TAFA5: variants seen among roughly 807,000 people sequenced by gnomAD.
TAFA5 encodes the protein TAFA chemokine like family member 5.
TAFA5 carries 6 observed loss-of-function variants against 15.3 expected under a neutral mutation model. That is an observed-to-expected ratio of 0.39 (90% CI 0.21 to 0.77). The LOEUF is 0.77. TAFA5 is among the 30% of genes least tolerant of loss of function. TAFA5 has a pLI of 0.41. For missense variants in TAFA5, 161 were observed against 193.1 expected (o/e 0.83, Z 0.98); for synonymous variants, 103 against 80.7 (o/e 1.28, Z -1.48).
intron 1 of TAFA5, among the ~76,000 whole-genome samples, chr22:48,586,983 C>G (rs1012313642): frequency 1.3e-5 from 2 of 152,240 alleles, no homozygotes; most frequent in Admixed American, 1.3e-4. Context: ...CATGGGGACT[C>G]TGGTGAGAAC....
chr22:48,660,547 G>A (rs973455248), intron 2 of TAFA5, among the ~76,000 whole-genome samples: 1 of 152,178 alleles, frequency 6.6e-6, no homozygotes, highest in African/African-American at 2.4e-5. Context: ...TAAAATGCCC[G>A]GCAGCCCCCT....
chr22:48,632,802 G>C (rs1926280353), intron 1 of TAFA5, among the ~76,000 whole-genome samples: 1 of 152,214 alleles, frequency 6.6e-6, no homozygotes, highest in African/African-American at 2.4e-5. Flanking sequence ...AGAGAGAATT[G>C]AAGGCTCCAG....
At chr22:48,685,365 A>G (rs955973897) in intron 2 of TAFA5, among the ~76,000 whole-genome samples, 3 of 152,200 alleles carry the variant, frequency 2.0e-5, no homozygotes, top group Non-Finnish European at 4.4e-5. Context: ...TCCAGGAAAG[A>G]CCTAGAAAAA....
At chr22:48,649,556 C>T (rs985147805) in intron 2 of TAFA5, among the ~76,000 whole-genome samples, 12 of 152,192 alleles carry the variant, frequency 7.9e-5, no homozygotes, top group African/African-American at 1.9e-4. Flanking sequence ...ACACCAGGTA[C>T]GCAGGGCCTC....
At chr22:48,626,052 C>T (rs1926016013) in intron 1 of TAFA5, among the ~76,000 whole-genome samples, 1 of 152,168 alleles carries the variant, frequency 6.6e-6, no homozygotes, top group South Asian at 2.1e-4. Flanking sequence ...AGTAAGATTC[C>T]ACTTATATGA....
chr22:48,652,160 G>T (rs909859978), intron 2 of TAFA5, among the ~76,000 whole-genome samples: 1 of 152,278 alleles, frequency 6.6e-6, no homozygotes, highest in Non-Finnish European at 1.5e-5. Context: ...CTGAAGGCAT[G>T]TTGTGGCTGG....
intron 1 of TAFA5, among the ~76,000 whole-genome samples, chr22:48,609,259 A>C (rs1925309944): frequency 6.6e-6 from 1 of 152,206 alleles, no homozygotes; most frequent in African/African-American, 2.4e-5. Flanking sequence ...GTTTTCAGAA[A>C]TCAAAGACAC....
At chr22:48,674,409 C>T (rs1927902949) in intron 2 of TAFA5, among the ~76,000 whole-genome samples, 1 of 152,212 alleles carries the variant, frequency 6.6e-6, no homozygotes, top group African/African-American at 2.4e-5. Flanking sequence ...TGTGTTCACA[C>T]ATCCCAGGAT....
intron 1 of TAFA5, among the ~76,000 whole-genome samples, chr22:48,591,406 C>T (rs1168914251): frequency 6.6e-6 from 1 of 152,236 alleles, no homozygotes; most frequent in African/African-American, 2.4e-5. Context: ...GCCCGCTCTC[C>T]TCCCACCCCC....
chr22:48,622,182 G>A (rs1925862384), intron 1 of TAFA5, among the ~76,000 whole-genome samples: 1 of 152,140 alleles, frequency 6.6e-6, no homozygotes, highest in Non-Finnish European at 1.5e-5. Flanking sequence ...TTGACACCAT[G>A]TGGTATTCAG....
intron 2 of TAFA5, among the ~76,000 whole-genome samples, chr22:48,699,174 CG>C (rs1928824072): frequency 6.6e-6 from 1 of 152,052 alleles, no homozygotes; most frequent in Non-Finnish European, 1.5e-5. Context: ...CTCAGGTGAT[CG>C]ACTAGCCTGG....
rs542421443 is a variant in TAFA5 at position 48,641,183 on chromosome 22, G to A, written c.113-5414G>A. On this transcript the variant is annotated intron_variant, in intron 1 of 3. Transcript: ENST00000402357. The stretch of plus-strand genomic sequence containing the variant: ...CCGTGGCCCCCCTGCCAGGGCAGTG[G>A]GAACAGTGGTCCGTGGTCTCTGGTG... Among the ~76,000 whole-genome samples, 11 of 151,940 alleles carry A rather than the reference G, an allele frequency of 7.2e-5. No individual in the cohort carries two copies. The South Asian group carries it at 1.0e-3, about 14-fold the overall frequency.
intron 2 of TAFA5, among the ~76,000 whole-genome samples, chr22:48,674,925 C>T (rs1429260874): frequency 2.0e-5 from 3 of 150,082 alleles, no homozygotes; most frequent in Non-Finnish European, 4.4e-5. Context: ...AGAGGCCAAA[C>T]GATTTGCTGT....
At chr22:48,549,848 G>A (rs923084111) in intron 1 of TAFA5, among the ~76,000 whole-genome samples, 5 of 152,228 alleles carry the variant, frequency 3.3e-5, no homozygotes, top group Non-Finnish European at 1.5e-5. Flanking sequence ...GGAGATGGAT[G>A]AACAGGCAAA....
chr22:48,612,119 G>T (rs1925430194), intron 1 of TAFA5, among the ~76,000 whole-genome samples: 1 of 152,206 alleles, frequency 6.6e-6, no homozygotes. Flanking sequence ...GTGCGTCTAT[G>T]CAGGTGCAGG....
chr22:48,728,367 G>C (rs1341264599), intron 3 of TAFA5, among the ~76,000 whole-genome samples: 1 of 152,246 alleles, frequency 6.6e-6, no homozygotes, highest in Non-Finnish European at 1.5e-5. Context: ...CACATGCAAT[G>C]TCTGAAGTCC....
intron 1 of TAFA5, among the ~76,000 whole-genome samples, chr22:48,498,483 G>A (rs922061602): frequency 9.9e-5 from 15 of 152,072 alleles, no homozygotes; most frequent in African/African-American, 3.1e-4. Context: ...GGTATATTTA[G>A]TAGGACTTTT....
At chr22:48,605,286 T>C (rs968658039) in intron 1 of TAFA5, among the ~76,000 whole-genome samples, 2 of 18,054 alleles carry the variant, frequency 1.1e-4, no homozygotes, top group African/African-American at 4.0e-4. Flanking sequence ...GTGATGATGT[T>C]GTTAATGGTG....
At chr22:48,569,389 G>A (rs976258307) in intron 1 of TAFA5, among the ~76,000 whole-genome samples, 17 of 152,160 alleles carry the variant, frequency 1.1e-4, no homozygotes, top group African/African-American at 3.4e-4. Context: ...TCAATAAACC[G>A]TGTGTTTGGG....
Sources: gnomAD v4.1 joint callset for allele counts (sites outside exome capture counted in the v4.1 genomes callset) on GRCh38, gnomAD v4.1.1 for gene constraint, MANE v1.5 for transcripts, NCBI Gene and HGNC (gene_info 2026-07-23, HGNC 2026-07-21) for gene names.